MAP4: variants seen among roughly 807,000 people sequenced by gnomAD.
MAP4 encodes the protein microtubule-associated protein 4.
A neutral mutation model predicts 170.2 loss-of-function variants in MAP4; 76 were observed. The ratio of observed to expected loss-of-function variants is 0.45; its 90% CI spans 0.37 to 0.54. The LOEUF is 0.54. MAP4 is among the 20% of genes least tolerant of loss of function. The pLI is 0.00. For synonymous variants in MAP4, 909 were observed against 994.5 expected (o/e 0.91, Z 1.62); for missense variants, 2,506 against 2,748.0 (o/e 0.91, Z 1.97).
chr3:48,087,877 G>C (rs937820549), intron 1 of MAP4, among the ~76,000 whole-genome samples: 2 of 152,098 alleles, frequency 1.3e-5, no homozygotes, highest in South Asian at 4.1e-4. Flanking sequence ...AGGAGAAAAG[G>C]GGGTTTCCAG....
In MAP4 at chr3:47,871,945, G is replaced by C. The variant is rs141377841; in HGVS notation, c.5913C>G (p.Pro1971=). 2.5e-4 allele frequency: 401 copies of C among 1,613,006 alleles called. No individual in the cohort carries two copies. Among genetic ancestry groups the C allele is most frequent in the Non-Finnish European group, 3.2e-4 (375 of 1,179,266 alleles). Residue 1971 remains proline, a synonymous_variant, in exon 13 of 21, where the codon CCC becomes CCG. Transcript: ENST00000683076. ...VASTGPSSRS[P]STLLPKKPTA... The stretch of plus-strand genomic sequence containing the variant: ...TGGGCTTCTTGGGCAGGAGCGTGGA[G>C]GGGCTCCTACTGCTTGGGCCAGTTG...
intron 1 of MAP4, among the ~76,000 whole-genome samples, chr3:48,015,912 T>C (rs1218287750): frequency 6.6e-6 from 1 of 152,120 alleles, no homozygotes; most frequent in Non-Finnish European, 1.5e-5. Context: ...ATCTTGACTA[T>C]CCTGAGCAAT....
intron 1 of MAP4, among the ~76,000 whole-genome samples, chr3:48,031,018 A>G (rs1437447601): frequency 6.6e-6 from 1 of 152,068 alleles, no homozygotes; most frequent in Non-Finnish European, 1.5e-5. Context: ...CATAGCACAT[A>G]GTGACCTCCT....
intron 10 of MAP4, among the ~76,000 whole-genome samples, chr3:47,900,102 TC>T (rs2100029215): frequency 6.6e-6 from 1 of 152,166 alleles, no homozygotes; most frequent in Non-Finnish European, 1.5e-5. Flanking sequence ...AGTTATTGCC[TC>T]CAGGAAACAA....
In MAP4 at chr3:48,056,948, C is replaced by G. The variant is rs1219925570; in HGVS notation, c.-20+31825G>C. Among the ~76,000 whole-genome samples the G allele has an allele frequency of 3.1e-4, 41 of 131,296 alleles. 1 individual carries two copies. The highest frequency in any genetic ancestry group is 6.1e-4 in the Non-Finnish European group (37 of 60,654). The allele number at this position is 131,296 out of a possible 152,430, so 86.1% of individuals were successfully genotyped here. A position where few individuals can be genotyped will look rare whatever the true frequency, so the allele number is the denominator to read the frequency against. On this transcript the variant is annotated intron_variant, in intron 1 of 18. Coordinates refer to the MAP4 transcript ENST00000360240. ...CGGGAGGGAGGTGGGGGGTTCAGCC[C>G]CCCGCCCGGCCAGCCGCCCCGTCCG...
At chr3:47,896,017 G>A (rs1017714824) in intron 10 of MAP4, among the ~76,000 whole-genome samples, 13 of 151,968 alleles carry the variant, frequency 8.6e-5, no homozygotes, top group Non-Finnish European at 7.4e-5. Flanking sequence ...GTGGGGGGGC[G>A]GTCAGAACAA....
intron 2 of MAP4, among the ~76,000 whole-genome samples, chr3:47,996,516 G>C (rs1364043356): frequency 6.6e-6 from 1 of 152,126 alleles, no homozygotes; most frequent in Non-Finnish European, 1.5e-5. Context: ...GCACATTAAA[G>C]AAATACCTTC....
intron 1 of MAP4, among the ~76,000 whole-genome samples, chr3:48,054,685 G>C (rs894465962): frequency 1.4e-5 from 2 of 139,684 alleles, no homozygotes; most frequent in Non-Finnish European, 3.0e-5. Flanking sequence ...GCGGGCTCCT[G>C]TAATCCCAGC....
chr3:47,866,622 C>A (rs1227519871), intron 17 of MAP4, among the ~76,000 whole-genome samples: 1 of 151,454 alleles, frequency 6.6e-6, no homozygotes, highest in South Asian at 2.1e-4. Flanking sequence ...GGCATGGTGG[C>A]GAGTACCTGC....
intron 17 of MAP4, among the ~76,000 whole-genome samples, chr3:47,866,477 C>T (rs1158623794): frequency 1.3e-5 from 2 of 150,134 alleles, no homozygotes; most frequent in Non-Finnish European, 3.0e-5. Flanking sequence ...ATGGGAGGGC[C>T]GGGCGCAGTG....
At chr3:48,011,979 G>A (rs1396874549) in intron 1 of MAP4, among the ~76,000 whole-genome samples, 2 of 152,200 alleles carry the variant, frequency 1.3e-5, no homozygotes, top group African/African-American at 4.8e-5. Flanking sequence ...CTTTAATCCG[G>A]AAACTGTCCT....
chr3:48,037,490 G>A (rs560279875), intron 1 of MAP4, among the ~76,000 whole-genome samples: 31 of 152,170 alleles, frequency 2.0e-4, no homozygotes, highest in South Asian at 1.7e-3. Flanking sequence ...ATCTCCTGAG[G>A]CTCAGGTGAT....
At chr3:48,078,282 C>T (rs2100144919) in intron 1 of MAP4, among the ~76,000 whole-genome samples, 1 of 150,264 alleles carries the variant, frequency 6.7e-6, no homozygotes, top group South Asian at 2.1e-4. Flanking sequence ...GAGTCTGGGA[C>T]TACAGGTGTG....
intron 10 of MAP4, chr3:47,891,145 C>T (rs1338477750): frequency 6.5e-6 from 10 of 1,536,264 alleles, no homozygotes; most frequent in South Asian, 1.2e-5. Context: ...GGCAAACCTG[C>T]GAGCATGAAT....
intron 4 of MAP4, among the ~76,000 whole-genome samples, chr3:47,923,688 T>C (rs1014134801): frequency 2.0e-5 from 3 of 150,744 alleles, no homozygotes; most frequent in Non-Finnish European, 4.4e-5. Context: ...TGGTAGCGCA[T>C]GCCTGCAGTC....
intron 3 of MAP4, chr3:47,974,382 G>T: frequency 1.3e-6 from 1 of 768,236 alleles, no homozygotes; most frequent in Non-Finnish European, 1.6e-6. Flanking sequence ...CCAAGATCGC[G>T]CCACCGCACT....
chr3:47,873,608 C>T (rs1385630354), intron 12 of MAP4, among the ~76,000 whole-genome samples: 2 of 152,164 alleles, frequency 1.3e-5, no homozygotes, highest in African/African-American at 2.4e-5. Flanking sequence ...GTGTGAAGAA[C>T]GCTAAGGCTG....
rs1235817093 is a variant in MAP4, at chr3:47,911,390, C to T, written c.3031G>A (p.Glu1011Lys). Residue 1011 changes from glutamate (E) to lysine (K), a missense_variant, in exon 9 of 21, where the codon GAA becomes AAA. Glu to Lys is a moderately conservative substitution (Grantham distance 56, BLOSUM62 1). Transcript: ENST00000683076. The surrounding 1 kb of genome is among the most constrained non-coding windows in gnomAD (Gnocchi z 4.0). ...VKLKEFPEGA[E>K]EDKELKKEAF... ...TCCTTTTTTAGTTCTTTATCCTCTT[C>T]AGCTCCTTCAGGAAACTCCTTCAGT... The T allele has an allele frequency of 6.5e-7, 1 of 1,536,008 alleles. No individual in the cohort carries two copies. The highest frequency in any genetic ancestry group is 1.4e-5 in the African/African-American group (1 of 73,048).
intron 2 of MAP4, among the ~76,000 whole-genome samples, chr3:47,988,180 C>G (rs911101059): frequency 4.4e-5 from 6 of 137,604 alleles, no homozygotes; most frequent in African/African-American, 1.7e-4. Context: ...GGTGACATAG[C>G]AAGACTCCGT....
Sources: gnomAD v4.1 joint callset for allele counts (sites outside exome capture counted in the v4.1 genomes callset) on GRCh38, gnomAD v4.1.1 for gene constraint, Gnocchi (gnomAD v3.1) non-coding constraint, MANE v1.5 for transcripts, NCBI Gene and HGNC (gene_info 2026-07-23, HGNC 2026-07-21) for gene names.